PCSK6: variants seen among roughly 807,000 people sequenced by gnomAD.
The protein encoded by PCSK6 is proprotein convertase subtilisin/kexin type 6, also known as paired basic amino acid cleaving enzyme 4.
A neutral mutation model predicts 123.3 loss-of-function variants in PCSK6; 85 were observed. That is an observed-to-expected ratio of 0.69 (90% CI 0.58 to 0.83). The LOEUF is 0.83. PCSK6 is among the 40% of genes least tolerant of loss of function. The pLI is 0.00. For missense variants in PCSK6, 1,191 were observed against 1,282.3 expected (o/e 0.93, Z 1.09); for synonymous variants, 508 against 516.0 (o/e 0.98, Z 0.21).
chr15:101,424,716 G>A (rs7168655), intron 6 of PCSK6, among the ~76,000 whole-genome samples: 54,372 of 152,040 alleles, frequency 0.36, 10,370 homozygotes, highest in African/African-American at 0.46. Flanking sequence ...ATGTGAAGTA[G>A]AATCTATAAA....
chr15:101,395,109 G>A (rs1053108488), intron 7 of PCSK6, among the ~76,000 whole-genome samples: 1 of 152,200 alleles, frequency 6.6e-6, no homozygotes, highest in Non-Finnish European at 1.5e-5. Flanking sequence ...TATTCCAGGT[G>A]AGAATTAGTC....
chr15:101,346,648 A>G (rs12914198), intron 13 of PCSK6: 149,140 of 680,294 alleles, frequency 0.22, 17,073 homozygotes, highest in South Asian at 0.29. Context: ...AGGAATGCCC[A>G]AGCGTACCTC....
chr15:101,433,873 A>G (rs568582301), intron 2 of PCSK6, among the ~76,000 whole-genome samples: 2 of 152,322 alleles, frequency 1.3e-5, no homozygotes, highest in East Asian at 1.9e-4. Flanking sequence ...ACAGGGCAAA[A>G]TGCCGGAAGA....
intron 13 of PCSK6, among the ~76,000 whole-genome samples, chr15:101,356,720 A>C (rs937530550): frequency 2.6e-4 from 38 of 144,560 alleles, no homozygotes; most frequent in Non-Finnish European, 5.4e-4. Flanking sequence ...TAAATAAATA[A>C]ATAATATAGG....
intron 6 of PCSK6, among the ~76,000 whole-genome samples, chr15:101,412,350 G>A (rs1033657813): frequency 1.3e-5 from 2 of 152,070 alleles, no homozygotes; most frequent in African/African-American, 2.4e-5. Flanking sequence ...TGGAGGAAAC[G>A]GATGCTGGAA....
chr15:101,353,778 C>T (rs988578534), intron 13 of PCSK6, among the ~76,000 whole-genome samples: 3 of 152,108 alleles, frequency 2.0e-5, no homozygotes, highest in African/African-American at 7.2e-5. Flanking sequence ...GGAGACCTCA[C>T]CAGGTTGGGT....
At chr15:101,447,073 T>C (rs1383029363) in intron 1 of PCSK6, among the ~76,000 whole-genome samples, 2 of 152,152 alleles carry the variant, frequency 1.3e-5, no homozygotes, top group African/African-American at 4.8e-5. Context: ...GCCCGGATGA[T>C]GCTGCGTTTA....
chr15:101,331,647 T>G lies in PCSK6; in HGVS notation c.2077+4A>C. ...AAATACTTACTGGTTTGAAGCATAC[T>G]TACTGGTCTGTAAAATATTAGCAGA... is the stretch of plus-strand genomic sequence containing the variant. On this transcript the variant is annotated splice_donor_region_variant and intron_variant, in intron 15 of 21. Transcript: ENST00000611716. 6.2e-7 allele frequency: 1 copy of G among 1,613,306 alleles called. No individual in the cohort carries two copies. Among genetic ancestry groups the G allele is most frequent in the Non-Finnish European group, 8.5e-7 (1 of 1,179,456 alleles).
chr15:101,352,646 C>T (rs969146790), intron 13 of PCSK6, among the ~76,000 whole-genome samples: 1 of 152,184 alleles, frequency 6.6e-6, no homozygotes, highest in African/African-American at 2.4e-5. Flanking sequence ...CGGTCTATTC[C>T]AGCACCAGTG....
intron 2 of PCSK6, among the ~76,000 whole-genome samples, chr15:101,442,466 C>T (rs1295768074): frequency 6.6e-6 from 1 of 152,076 alleles, no homozygotes; most frequent in Non-Finnish European, 1.5e-5. Context: ...CCTCACCATG[C>T]GATGCCCCAG....
At chr15:101,459,452 G>A (rs62027220) in intron 1 of PCSK6, among the ~76,000 whole-genome samples, 17,715 of 77,064 alleles carry the variant, frequency 0.23, 2,536 homozygotes, top group Non-Finnish European at 0.35. Flanking sequence ...CACATCACCT[G>A]CTGCCACCAT....
Position 101,489,400 on chromosome 15 carries a change from C to T in PCSK6, c.271G>A (p.Ala91Thr). The T allele has an allele frequency of 3.9e-6, 5 of 1,272,486 alleles. No individual in the cohort carries two copies. The South Asian group carries it at 7.5e-5, about 19-fold the overall frequency. 78.8% of individuals were successfully genotyped at this position (1,272,486 alleles called of 1,614,324 possible). A position where few individuals can be genotyped will look rare whatever the true frequency, so the allele number is the denominator to read the frequency against. ...GPAEADRVAA[A>T]HGYLNLGQIG... ...TGGCCCAAGTTGAGGTACCCGTGCG[C>T]CGCCGCCACGCGGTCCGCCTCGGCC... The change falls in exon 1 of 22, where the codon GCG (alanine) becomes ACG (threonine). Residue 91 changes from alanine (A) to threonine (T), a missense_variant. By Grantham distance (58) the Ala-to-Thr change is moderately conservative (BLOSUM62 0). This residue lies in a region of PCSK6 where 204 missense variants were observed against 166.4 expected (regional missense o/e 1.23). Coordinates refer to ENST00000611716, the MANE Select transcript of PCSK6 (RefSeq NM_002570.5).
chr15:101,368,600 G>A (rs889100086), intron 12 of PCSK6, among the ~76,000 whole-genome samples: 10 of 152,134 alleles, frequency 6.6e-5, no homozygotes, highest in East Asian at 3.9e-4. Context: ...CAGGCTCTCC[G>A]TCAACCTGGG....
intron 1 of PCSK6, among the ~76,000 whole-genome samples, chr15:101,463,658 T>C (rs1675481520): frequency 6.6e-6 from 1 of 152,240 alleles, no homozygotes; most frequent in African/African-American, 2.4e-5. Flanking sequence ...GTTGCCTTTC[T>C]GGGTGTGAGG....
intron 12 of PCSK6, among the ~76,000 whole-genome samples, chr15:101,369,325 C>G (rs8036685): frequency 5.3e-5 from 8 of 152,240 alleles, no homozygotes; most frequent in Admixed American, 5.2e-4. Flanking sequence ...CAACCCCCAA[C>G]TTCTGCCTGG....
At chr15:101,378,704 C>G (rs764561637) in intron 11 of PCSK6, among the ~76,000 whole-genome samples, 66 of 152,228 alleles carry the variant, frequency 4.3e-4, no homozygotes, top group Non-Finnish European at 8.1e-4. Context: ...CTGATGTTCT[C>G]TACCCTTCCA....
In PCSK6 at chr15:101,384,317, C is replaced by T. The variant is rs776148817; in HGVS notation, c.1414+5G>A. The T allele has an allele frequency of 2.4e-5, 39 of 1,613,186 alleles. No individual in the cohort carries two copies. The highest frequency in any genetic ancestry group is 3.3e-4 in the Middle Eastern group (2 of 6,084). On this transcript the variant is annotated splice_donor_5th_base_variant and intron_variant, in intron 10 of 21. Coordinates refer to ENST00000611716, the MANE Select transcript of PCSK6 (RefSeq NM_002570.5). Reference sequence around the variant, plus strand: ...CAATGGTCCACCAGAACGCCACTGCCGCACCTTTATGACCCGCGCCGTTCA... The same window carrying T: ...CAATGGTCCACCAGAACGCCACTGCTGCACCTTTATGACCCGCGCCGTTCA...
At chr15:101,412,690 A>AT (rs1297687262) in intron 6 of PCSK6, among the ~76,000 whole-genome samples, 26 of 99,136 alleles carry the variant, frequency 2.6e-4, no homozygotes, top group African/African-American at 1.1e-3. Context: ...GAACTGGAAA[A>AT]TTATATATAT....
intron 20 of PCSK6, chr15:101,313,154 G>A (rs372665723): frequency 8.9e-5 from 131 of 1,475,762 alleles, no homozygotes; most frequent in Middle Eastern, 3.6e-4. Context: ...ATCTTATCCC[G>A]CTGCTGCACG....
Sources: gnomAD v4.1 joint callset for allele counts (sites outside exome capture counted in the v4.1 genomes callset) on GRCh38, gnomAD v4.1.1 for gene constraint, gnomAD v4.1.1 regional missense constraint, MANE v1.5 for transcripts, NCBI Gene and HGNC (gene_info 2026-07-23, HGNC 2026-07-21) for gene names.